XKRX: variants seen among roughly 807,000 people sequenced by gnomAD.
XKRX encodes XK-related protein 2.
XKRX carries 11 observed loss-of-function variants against 22.4 expected under a neutral mutation model. The observed-to-expected ratio is 0.49, with a 90% CI of 0.31 to 0.81. The LOEUF is 0.81. Among genes scored for constraint, XKRX ranks in the 40% least tolerant of loss-of-function variants. The pLI, the probability that XKRX is intolerant of heterozygous loss-of-function variation, is 0.05. For missense variants in XKRX, 320 were observed against 336.5 expected (o/e 0.95, Z 0.38); for synonymous variants, 114 against 132.2 (o/e 0.86, Z 0.94).
chrX:100,910,589 A>AT (rs1400765383), downstream of XKRX: 1 of 216,917 alleles, frequency 4.6e-6, no homozygotes, highest in East Asian at 8.0e-5. Context: ...CCGTCTTAAA[A>AT]AAAAAAAAAA....
chrX:100,915,522 G>A (rs950585521), intron 2 of XKRX, among the ~76,000 whole-genome samples: 3 of 111,208 alleles, frequency 2.7e-5, no homozygotes, highest in African/African-American at 6.5e-5. Flanking sequence ...ACGGCCAAAC[G>A]ATCAAATAAT....
chrX:100,892,554 C>T, the XKRX span, among the ~76,000 whole-genome samples: 2 of 112,193 alleles, frequency 1.8e-5, no homozygotes, highest in Non-Finnish European at 1.9e-5. Context: ...AAACAAGTGG[C>T]CAACAGGGAT....
chrX:100,938,148 T>C, the XKRX span, among the ~76,000 whole-genome samples: 4 of 111,851 alleles, frequency 3.6e-5, no homozygotes, highest in Non-Finnish European at 7.5e-5. Context: ...GCAGAGAAAG[T>C]AGGGAAAGTC....
At chrX:100,909,383 A>T (rs2085398930), downstream of XKRX, among the ~76,000 whole-genome samples, 1 of 111,731 alleles carries the variant, frequency 9.0e-6, no homozygotes, top group African/African-American at 3.3e-5. Flanking sequence ...TACTGCTGAA[A>T]CCACTAACAC....
downstream of XKRX, among the ~76,000 whole-genome samples, chrX:100,912,277 ATAAC>A (rs2085409735): frequency 9.0e-6 from 1 of 111,592 alleles, no homozygotes; most frequent in Non-Finnish European, 1.9e-5. Flanking sequence ...TTATATGACA[ATAAC>A]TAAGTCTCTT....
chrX:100,950,637 A>G, the XKRX span, among the ~76,000 whole-genome samples: 1 of 112,329 alleles, frequency 8.9e-6, no homozygotes, highest in Non-Finnish European at 1.9e-5. Context: ...ATCCTGGGTC[A>G]TAAAATAAAC....
chrX:100,957,356 C>T, the XKRX span: 1 of 1,190,680 alleles, frequency 8.4e-7, no homozygotes, highest in Admixed American at 2.2e-5. Flanking sequence ...CTGGTCTTTT[C>T]CACCTCTGGC....
chrX:100,903,165 T>C, the XKRX span, among the ~76,000 whole-genome samples: 1 of 109,487 alleles, frequency 9.1e-6, no homozygotes, highest in Non-Finnish European at 1.9e-5. Context: ...AAAAGACAAA[T>C]AACAACAAAA....
intron 1 of XKRX, among the ~76,000 whole-genome samples, chrX:100,924,147 T>C (rs1272167246): frequency 1.8e-5 from 2 of 108,746 alleles, no homozygotes; most frequent in Non-Finnish European, 3.8e-5. Flanking sequence ...CCACTGCGCC[T>C]GGCCAGATTC....
chrX:100,958,463 T>C, the XKRX span, among the ~76,000 whole-genome samples: 1 of 111,956 alleles, frequency 8.9e-6, no homozygotes, highest in South Asian at 3.7e-4. Flanking sequence ...TTTGCTATCC[T>C]TTTTTCTAAT....
chrX:100,930,325 A>AATAATAATGATGATG (rs1556209253), upstream of XKRX, among the ~76,000 whole-genome samples: 5 of 103,198 alleles, frequency 4.8e-5, no homozygotes, highest in African/African-American at 1.8e-4. Context: ...TAATAATAAT[A>AATAATAATGATGATG]ATGATGATTA....
the XKRX span, among the ~76,000 whole-genome samples, chrX:100,947,865 T>C: frequency 1.8e-5 from 2 of 111,606 alleles, no homozygotes; most frequent in African/African-American, 6.5e-5. Flanking sequence ...ACTTATTTAT[T>C]CCAATATATT....
rs2085481231 is a variant in XKRX at position 100,923,012 on chromosome X, G to C, written c.385C>G (p.Gln129Glu). Reference sequence around the variant, plus strand: ...GTGAGGCTGACATAGGGCTCCTCCTGCTCCTCTTTCTTCCACAGTGTGAGG... The same window carrying C: ...GTGAGGCTGACATAGGGCTCCTCCTCCTCCTCTTTCTTCCACAGTGTGAGG... ...KYLTLWKKEE[Q>E]EEPYVSLTRK... The change falls in exon 2 of 3, where the codon CAG becomes GAG. Residue 129 changes from glutamine to glutamate, a missense_variant. Transcript: ENST00000372956. 3.3e-6 allele frequency: 4 copies of C among 1,211,682 alleles called. No individual in the cohort carries two copies. Among genetic ancestry groups the C allele is most frequent in the Non-Finnish European group, 3.4e-6 (3 of 895,415 alleles).
At chrX:100,917,612 GAGAGAAAGAA>G (rs1348796313) in intron 2 of XKRX, among the ~76,000 whole-genome samples, 240 of 83,398 alleles carry the variant, frequency 2.9e-3, no homozygotes, top group African/African-American at 7.5e-3. Context: ...AAAGGAAAAA[GAGAGAAAGAA>G]AGAGAAAGAA....
intron 2 of XKRX, among the ~76,000 whole-genome samples, chrX:100,918,186 T>A (rs2085454783): frequency 8.9e-6 from 1 of 112,109 alleles, no homozygotes; most frequent in Non-Finnish European, 1.9e-5. Context: ...GTCAACTTAA[T>A]CTTTTACTTT....
At chrX:100,947,904 A>T in the XKRX span, among the ~76,000 whole-genome samples, 3 of 102,461 alleles carry the variant, frequency 2.9e-5, no homozygotes, top group Non-Finnish European at 6.0e-5. Context: ...TAATACATGA[A>T]TTTTTTTTTT....
chrX:100,934,943 T>A, the XKRX span, among the ~76,000 whole-genome samples: 5 of 110,774 alleles, frequency 4.5e-5, no homozygotes, highest in African/African-American at 1.3e-4. Context: ...GAGAGCTAAA[T>A]TGATTGACTG....
intron 2 of XKRX, among the ~76,000 whole-genome samples, chrX:100,915,995 C>G (rs1168518373): frequency 1.8e-5 from 2 of 109,011 alleles, no homozygotes; most frequent in Non-Finnish European, 3.8e-5. Flanking sequence ...TTTCAGAGCT[C>G]TAATGTACAA....
At chrX:100,939,814 A>C in the XKRX span, among the ~76,000 whole-genome samples, 1 of 112,515 alleles carries the variant, frequency 8.9e-6, no homozygotes, top group African/African-American at 3.2e-5. Context: ...AGCTAGTAGC[A>C]ATCTAAAAAG....
Sources: allele counts gnomAD v4.1 joint callset (sites outside exome capture counted in the v4.1 genomes callset), GRCh38; gene constraint gnomAD v4.1.1; transcripts MANE v1.5; gene names NCBI Gene and HGNC (gene_info 2026-07-23, HGNC 2026-07-21).